CREBRF: variants seen among roughly 807,000 people sequenced by gnomAD.
The protein encoded by CREBRF is CREB3 regulatory factor.
A neutral mutation model predicts 66.1 loss-of-function variants in CREBRF; 5 were observed. That is an observed-to-expected ratio of 0.08 (90% confidence interval 0.04 to 0.16). The LOEUF is 0.16. Ranked by LOEUF, CREBRF falls within the 10% of genes least tolerant of loss-of-function variation. CREBRF has a pLI of 1.00. For missense variants in CREBRF, 531 were observed against 744.9 expected (o/e 0.71, Z 3.34); for synonymous variants, 229 against 264.4 (o/e 0.87, Z 1.30).
rs1423172623 is a variant in CREBRF at position 173,057,971 on chromosome 5, A to C, written c.-192+1492A>C. Reference sequence around the variant, plus strand: ...GCCCACAGGAAGTTATTTAGTTTCGAAGGTTCTTTGGGACTTTTCTTGCGA... The same window carrying C: ...GCCCACAGGAAGTTATTTAGTTTCGCAGGTTCTTTGGGACTTTTCTTGCGA... On this transcript the variant is annotated intron_variant, in intron 1 of 8. Transcript: ENST00000296953. Among the ~76,000 whole-genome samples the C allele has an allele frequency of 2.0e-5, 3 of 152,050 alleles. No homozygotes were observed. The East Asian group carries it at 5.8e-4, about 29-fold the overall frequency.
At chr5:173,064,134 T>A (rs1400561227) in intron 1 of CREBRF, among the ~76,000 whole-genome samples, 1 of 152,198 alleles carries the variant, frequency 6.6e-6, no homozygotes, top group African/African-American at 2.4e-5. Flanking sequence ...TAATATTTTG[T>A]CCTGAGGGTT....
At chr5:173,085,537 C>A in intron 2 of CREBRF, 1 of 551,444 alleles carries the variant, frequency 1.8e-6, no homozygotes, top group East Asian at 3.1e-5. Flanking sequence ...CTACCTCAGC[C>A]TCCTGAGTAG....
chr5:173,117,105 G>A (rs1437740129), intron 7 of CREBRF, among the ~76,000 whole-genome samples: 1 of 152,010 alleles, frequency 6.6e-6, no homozygotes, highest in Non-Finnish European at 1.5e-5. Context: ...TGGGCCGGTC[G>A]CAGTGGCTCA....
At chr5:173,096,030 C>T (rs968116271) in intron 4 of CREBRF, among the ~76,000 whole-genome samples, 33 of 151,820 alleles carry the variant, frequency 2.2e-4, no homozygotes, top group African/African-American at 6.8e-4. Flanking sequence ...AGTGCAGTGG[C>T]GCCATCTGGG....
chr5:173,092,012 C>A, intron 4 of CREBRF: 1 of 309,488 alleles, frequency 3.2e-6, no homozygotes, highest in South Asian at 1.3e-4. Flanking sequence ...ACCCAGGAGG[C>A]TGAGGTTGCG....
At chr5:173,077,885 G>A (rs965595907) in intron 1 of CREBRF, among the ~76,000 whole-genome samples, 2 of 152,030 alleles carry the variant, frequency 1.3e-5, no homozygotes, top group Non-Finnish European at 2.9e-5. Flanking sequence ...TCTTGTTGTA[G>A]TGTGTATCAG....
chr5:173,122,664 T>C (rs1163903961), intron 7 of CREBRF, among the ~76,000 whole-genome samples: 1 of 147,734 alleles, frequency 6.8e-6, no homozygotes, highest in Non-Finnish European at 1.5e-5. Flanking sequence ...TAGTTACATA[T>C]GTATACATGT....
At chr5:173,078,533 T>C (rs1206127124) in intron 1 of CREBRF, among the ~76,000 whole-genome samples, 1 of 150,948 alleles carries the variant, frequency 6.6e-6, no homozygotes, top group African/African-American at 2.4e-5. Flanking sequence ...AAGAGGTTTA[T>C]ATATTTCTTG....
rs778981705 is a variant in CREBRF at position 173,091,298 on chromosome 5, C to T, written c.1119C>T (p.Phe373=). 1.8e-5 allele frequency: 29 copies of T among 1,612,760 alleles called. No homozygotes were observed. The highest frequency in any genetic ancestry group is 3.3e-5 in the South Asian group (3 of 90,948). Residue 373 remains phenylalanine (F), a synonymous_variant, in exon 4 of 9, where the codon TTC becomes TTT. Coordinates refer to ENST00000296953, the MANE Select transcript of CREBRF (RefSeq NM_153607.3). ...DVDDEDHDEG[F]GSEHELSENE... ...ATGATGAGGACCATGATGAAGGATTCGGCAGTGAGCATGAACTGTCTGAAA... is the reference window on the plus strand; with the variant it reads ...ATGATGAGGACCATGATGAAGGATTTGGCAGTGAGCATGAACTGTCTGAAA...
At chr5:173,076,415 C>T (rs1456861273) in intron 1 of CREBRF, among the ~76,000 whole-genome samples, 1 of 152,038 alleles carries the variant, frequency 6.6e-6, no homozygotes, top group East Asian at 1.9e-4. Flanking sequence ...CCTCTTTCAA[C>T]TTTACTGAGG....
chr5:173,130,277 C>T (rs1196768393), intron 8 of CREBRF, among the ~76,000 whole-genome samples: 1 of 152,016 alleles, frequency 6.6e-6, no homozygotes, highest in East Asian at 1.9e-4. Flanking sequence ...GTTTATGTGG[C>T]CTTTTTTTTG....
intron 1 of CREBRF, among the ~76,000 whole-genome samples, chr5:173,065,301 T>C (rs1384782042): frequency 1.3e-5 from 2 of 152,106 alleles, no homozygotes; most frequent in Non-Finnish European, 2.9e-5. Context: ...ATGAGATGGT[T>C]TGAGCTAAGG....
chr5:173,106,244 A>G (rs1430388868), intron 4 of CREBRF, among the ~76,000 whole-genome samples: 2 of 151,682 alleles, frequency 1.3e-5, no homozygotes, highest in Admixed American at 1.3e-4. Context: ...CCTGGCTAAC[A>G]TGGTGAAACC....
rs1581669897 is a variant in CREBRF, at chr5:173,080,497, ATAT to A, written c.-191-83_-191-81del. On this transcript the variant is annotated intron_variant, in intron 1 of 8. Transcript: ENST00000296953. ...ATTTAAAGTACAGTATTCTCTGCTA[ATAT>A]TATTTTTCAAAAGTCAACTTTTTTT... 6 of 503,100 alleles carry A rather than the reference ATAT, an allele frequency of 1.2e-5. No individual in the cohort carries two copies. The East Asian group carries it at 2.0e-4, about 16-fold the overall frequency. The allele number at this position is 503,100 out of a possible 1,614,324, so 31.2% of individuals were successfully genotyped here. A position where few individuals can be genotyped will look rare whatever the true frequency, so the allele number is the denominator to read the frequency against.
chr5:173,121,760 C>T (rs927489134), intron 7 of CREBRF, among the ~76,000 whole-genome samples: 1 of 152,206 alleles, frequency 6.6e-6, no homozygotes, highest in African/African-American at 2.4e-5. Flanking sequence ...ATATAGCAGG[C>T]ACTATCAGGT....
intron 2 of CREBRF, among the ~76,000 whole-genome samples, chr5:173,082,666 G>T (rs1165322257): frequency 6.6e-6 from 1 of 151,514 alleles, no homozygotes; most frequent in East Asian, 1.9e-4. Context: ...CCAGAACTTT[G>T]GGAGGCCAAG....
chr5:173,084,619 A>G (rs947998006), intron 2 of CREBRF, among the ~76,000 whole-genome samples: 3 of 128,424 alleles, frequency 2.3e-5, no homozygotes, highest in Non-Finnish European at 3.6e-5. Flanking sequence ...ATTATTGCAA[A>G]AATGATTTTT....
At chr5:173,059,261 TTTTC>T (rs869041316) in intron 1 of CREBRF, among the ~76,000 whole-genome samples, 27,275 of 97,314 alleles carry the variant, frequency 0.28, 3,418 homozygotes, top group Non-Finnish European at 0.39. Context: ...TTTTTCTTTT[TTTTC>T]TTTTTTTTTT....
In CREBRF at chr5:173,086,596, C is replaced by T. The variant is rs1214463726; in HGVS notation, c.105C>T (p.Asn35=). ...TGATGAGCACAGATCTCTTAGCAAA[C>T]AGTTCGGATCCAGATTTCATGTATG... ...QTLMSTDLLA[N]SSDPDFMYEL... The change falls in exon 3 of 9, where the codon AAC becomes AAT. Residue 35 remains asparagine, a synonymous_variant. Coordinates refer to ENST00000296953, the MANE Select transcript of CREBRF (RefSeq NM_153607.3). 1.9e-6 allele frequency: 3 copies of T among 1,612,888 alleles called. No individual in the cohort carries two copies. The highest frequency in any genetic ancestry group is 4.5e-5 in the East Asian group (2 of 44,760).
Sources: allele counts gnomAD v4.1 joint callset (sites outside exome capture counted in the v4.1 genomes callset), GRCh38; gene constraint gnomAD v4.1.1; transcripts MANE v1.5; gene names NCBI Gene and HGNC (gene_info 2026-07-23, HGNC 2026-07-21).